NARS2: variants seen among roughly 807,000 people sequenced by gnomAD.
NARS2 encodes the protein asparaginyl-tRNA synthetase.
A neutral mutation model predicts 62.9 loss-of-function variants in NARS2; 60 were observed. The ratio of observed to expected loss-of-function variants is 0.95; its 90% confidence interval spans 0.77 to 1.18. The LOEUF (loss-of-function observed/expected upper bound fraction) is 1.18, where lower values mean the gene tolerates loss of function less well. NARS2 is among the 50% of genes most tolerant of loss of function. The pLI, the probability that NARS2 is intolerant of heterozygous loss-of-function variation, is 0.00. For synonymous variants in NARS2, 196 were observed against 200.0 expected (o/e 0.98, Z 0.17); for missense variants, 619 against 576.4 (o/e 1.07, Z -0.76).
chr11:78,531,571 G>C (rs1255652766), intron 5 of NARS2, among the ~76,000 whole-genome samples: 2 of 151,988 alleles, frequency 1.3e-5, no homozygotes, highest in Non-Finnish European at 2.9e-5. Flanking sequence ...GTTCAAAATA[G>C]CACCATTCAC....
intron 5 of NARS2, among the ~76,000 whole-genome samples, chr11:78,552,258 T>A (rs1373057476): frequency 1.3e-5 from 2 of 152,232 alleles, no homozygotes; most frequent in Non-Finnish European, 2.9e-5. Flanking sequence ...TAGTTTTCTG[T>A]TCCTGCATTA....
intron 6 of NARS2, among the ~76,000 whole-genome samples, chr11:78,509,647 T>A (rs1252380802): frequency 6.6e-6 from 1 of 151,922 alleles, no homozygotes; most frequent in African/African-American, 2.4e-5. Flanking sequence ...TTTATTCATG[T>A]ATGTTTTGGG....
chr11:78,479,417 G>A (rs911206756), intron 7 of NARS2, among the ~76,000 whole-genome samples: 1 of 152,104 alleles, frequency 6.6e-6, no homozygotes, highest in Non-Finnish European at 1.5e-5. Context: ...GCTGAGTTGG[G>A]AGGATCACTT....
chr11:78,436,205 T>C lies in NARS2; in HGVS notation c.*465A>G, dbSNP rs1028443803. On this transcript the variant is annotated 3_prime_UTR_variant, in exon 14 of 14. Transcript: ENST00000281038. The stretch of plus-strand genomic sequence containing the variant: ...CCTTAAGGAATATTTTTTTCTGCAA[T>C]GTTTAATGAAGTACTGAAAATGAGA... The C allele has an allele frequency of 6.6e-6, 1 of 152,580 alleles. No individual in the cohort carries two copies. Among genetic ancestry groups the C allele is most frequent in the Admixed American group, 6.5e-5 (1 of 15,294 alleles). 9.5% of individuals were successfully genotyped at this position (152,580 alleles called of 1,614,324 possible). A position where few individuals can be genotyped will look rare whatever the true frequency, so the allele number is the denominator to read the frequency against.
At chr11:78,561,797 C>T (rs1469363613) in intron 4 of NARS2, among the ~76,000 whole-genome samples, 1 of 152,166 alleles carries the variant, frequency 6.6e-6, no homozygotes, top group Non-Finnish European at 1.5e-5. Context: ...CAGTGTCTCA[C>T]GCCTGTAATC....
At chr11:78,443,918 CTT>C (rs1857661769) in intron 11 of NARS2, 160 bp from the exon 12 acceptor site, 11 of 566,602 alleles carry the variant, frequency 1.9e-5, no homozygotes, top group Non-Finnish European at 2.5e-5. Flanking sequence ...TTTCCTCTCT[CTT>C]GCACCATTTG....
intron 6 of NARS2, among the ~76,000 whole-genome samples, chr11:78,505,948 A>G (rs1461150174): frequency 6.6e-6 from 1 of 152,166 alleles, no homozygotes; most frequent in Non-Finnish European, 1.5e-5. Context: ...AAAGTACACC[A>G]CCTATATCTG....
chr11:78,542,241 G>A (rs1038213636), intron 5 of NARS2, among the ~76,000 whole-genome samples: 2 of 152,190 alleles, frequency 1.3e-5, no homozygotes, highest in African/African-American at 4.8e-5. Flanking sequence ...TTCCTGCTGA[G>A]CAGTCTGAGA....
chr11:78,484,629 A>C (rs1859496381), intron 7 of NARS2, among the ~76,000 whole-genome samples: 1 of 152,236 alleles, frequency 6.6e-6, no homozygotes, highest in African/African-American at 2.4e-5. Context: ...AAACATACGA[A>C]AAAAAGGTCA....
chr11:78,529,013 A>G (rs560062889), intron 5 of NARS2, 77 bp from the exon 6 acceptor site: 1 of 907,236 alleles, frequency 1.1e-6, no homozygotes, highest in African/African-American at 1.7e-5. Flanking sequence ...ACATGTCACA[A>G]CTAAAAATCA....
At chr11:78,447,942 T>C (rs1857820942) in intron 11 of NARS2, among the ~76,000 whole-genome samples, 1 of 151,966 alleles carries the variant, frequency 6.6e-6, no homozygotes, top group Non-Finnish European at 1.5e-5. Flanking sequence ...AATCAAAAGG[T>C]GCAAAATTTC....
chr11:78,541,833 T>C (rs1298583860), intron 5 of NARS2, among the ~76,000 whole-genome samples: 2 of 152,212 alleles, frequency 1.3e-5, no homozygotes, highest in African/African-American at 2.4e-5. Context: ...GTTGCTATCA[T>C]TGCTGCAGAA....
In NARS2 at chr11:78,465,880, T is replaced by C; in HGVS notation, c.1160A>G (p.His387Arg). 1 of 1,614,184 alleles carries C rather than the reference T, an allele frequency of 6.2e-7. No homozygotes were observed. The highest frequency in any genetic ancestry group is 8.5e-7 in the Non-Finnish European group (1 of 1,180,008). Residue 387 changes from histidine (H) to arginine (R), a missense_variant, in exon 11 of 14, where the codon CAC becomes CGC. Transcript: ENST00000281038. ...YMRDNEDGPQ[H>R]TVAAVDLLVP... ...TTATTTAGTATCTCTTCTTACCGTG[T>C]GCTGAGGGCCATCTTCATTATCCCT...
intron 11 of NARS2, among the ~76,000 whole-genome samples, chr11:78,453,641 T>G (rs1858050009): frequency 6.6e-6 from 1 of 152,202 alleles, no homozygotes; most frequent in South Asian, 2.1e-4. Context: ...TCTCACAGGC[T>G]GTTACCAACA....
In NARS2 at chr11:78,436,661, A is replaced by G; in HGVS notation, c.*9T>C. On this transcript the variant is annotated 3_prime_UTR_variant, in exon 14 of 14. Transcript: ENST00000281038. ...CATGGGGGGTGCTTTTCCTTAACCA[A>G]TCTTCCAGCTATAAAAGGCATGAAT... is the stretch of plus-strand genomic sequence containing the variant. 1 of 1,614,026 alleles carries G rather than the reference A, an allele frequency of 6.2e-7. No individual in the cohort carries two copies. The highest frequency in any genetic ancestry group is 8.5e-7 in the Non-Finnish European group (1 of 1,179,964).
intron 5 of NARS2, among the ~76,000 whole-genome samples, chr11:78,555,960 G>C (rs1856336725): frequency 6.6e-6 from 1 of 152,174 alleles, no homozygotes; most frequent in South Asian, 2.1e-4. Flanking sequence ...TCAGGAGCAT[G>C]TTGTTTAGTT....
At chr11:78,540,328 C>A (rs1855561800) in intron 5 of NARS2, among the ~76,000 whole-genome samples, 1 of 152,080 alleles carries the variant, frequency 6.6e-6, no homozygotes, top group African/African-American at 2.4e-5. Flanking sequence ...GTTCTCACAG[C>A]AGAACAAATT....
At chr11:78,507,701 A>T (rs1272881516) in intron 6 of NARS2, among the ~76,000 whole-genome samples, 2 of 151,794 alleles carry the variant, frequency 1.3e-5, no homozygotes, top group Non-Finnish European at 2.9e-5. Context: ...TTGTATTTTT[A>T]ATAGAGACAG....
intron 7 of NARS2, among the ~76,000 whole-genome samples, chr11:78,482,142 T>C (rs1859381241): frequency 6.6e-6 from 1 of 152,160 alleles, no homozygotes; most frequent in Non-Finnish European, 1.5e-5. Flanking sequence ...ATATTAATAA[T>C]TAAACCACTT....
Sources: gnomAD v4.1 joint callset for allele counts (sites outside exome capture counted in the v4.1 genomes callset) on GRCh38, gnomAD v4.1.1 for gene constraint, MANE v1.5 for transcripts, NCBI Gene and HGNC (gene_info 2026-07-23, HGNC 2026-07-21) for gene names.